The following VPS41 variants were observed in gnomAD, a reference collection of about 807,000 sequenced individuals.
VPS41 encodes VPS41 subunit of HOPS complex, also known as vacuolar protein sorting-associated protein 41 homolog.
VPS41 carries 85 observed loss-of-function variants against 130.9 expected under a neutral mutation model. The ratio of observed to expected loss-of-function variants is 0.65; its 90% CI spans 0.55 to 0.78. The LOEUF is 0.78. Among genes scored for constraint, VPS41 ranks in the 30% least tolerant of loss-of-function variants. VPS41 has a pLI of 0.00. For synonymous variants in VPS41, 335 were observed against 332.9 expected (o/e 1.01, Z -0.07); for missense variants, 874 against 1,018.7 (o/e 0.86, Z 1.93).
intron 13 of VPS41, 138 bp downstream of exon 13, chr7:38,772,384 A>C: frequency 1.8e-6 from 1 of 562,398 alleles, no homozygotes; most frequent in Non-Finnish European, 3.1e-6. Context: ...GGTACTAGAA[A>C]GTTATTAACT....
At chr7:38,873,141 C>T (rs1034219193) in intron 2 of VPS41, among the ~76,000 whole-genome samples, 9 of 152,140 alleles carry the variant, frequency 5.9e-5, no homozygotes, top group Non-Finnish European at 1.3e-4. Flanking sequence ...CACAACACAG[C>T]TCAGTGAAGC....
chr7:38,890,115 C>T lies in VPS41; in HGVS notation c.60+7976G>A, dbSNP rs150871804. ...GGAATCCTAAAACATGTTCAAGTAA[C>T]GCACAGGAAAGAAAGGAAAGAGAAA... On this transcript the variant is annotated intron_variant, in intron 2 of 28. Transcript: ENST00000310301. 7.0e-4 allele frequency among the ~76,000 whole-genome samples: 106 copies of T among 151,990 alleles called. 1 individual carries two copies. The highest frequency in any genetic ancestry group is 6.8e-3 in the Middle Eastern group (2 of 294).
In VPS41 at chr7:38,761,719, T is replaced by A. The variant is rs565098980; in HGVS notation, c.1422+1736A>T. Among the ~76,000 whole-genome samples, 3 of 152,094 alleles carry A rather than the reference T, an allele frequency of 2.0e-5. 1 individual carries two copies. In the Middle Eastern group the frequency reaches 9.5e-3, roughly 481 times the overall value. On this transcript the variant is annotated intron_variant, in intron 17 of 28. Coordinates refer to ENST00000310301, the MANE Select transcript of VPS41 (RefSeq NM_014396.4). ...GATCCTCCCACCTCAGCCTCCTGAA[T>A]AGCTGAGAGTACAGGCATATGTCAC...
intron 1 of VPS41, among the ~76,000 whole-genome samples, chr7:38,907,774 T>A (rs1198985801): frequency 6.6e-6 from 1 of 152,222 alleles, no homozygotes; most frequent in Non-Finnish European, 1.5e-5. Context: ...CCACTATATC[T>A]AAGAACATAT....
rs775995151 is a variant in VPS41, at chr7:38,817,871, C to T, written c.396G>A (p.Val132=). Residue 132 remains valine, a synonymous_variant, in exon 7 of 29, where the codon GTG becomes GTA. Coordinates refer to ENST00000310301, the MANE Select transcript of VPS41 (RefSeq NM_014396.4). The part of the protein sequence containing the change: ...TFDCPIKIIA[V]HPHFVRSSCK... ...AACTGGATCTCACGAAATGTGGGTGCACAGCAATAATCTACAAGAGAAACA... is the reference window on the plus strand; with the variant it reads ...AACTGGATCTCACGAAATGTGGGTGTACAGCAATAATCTACAAGAGAAACA... The T allele has an allele frequency of 8.7e-6, 14 of 1,613,968 alleles. No homozygotes were observed. The highest frequency in any genetic ancestry group is 1.0e-5 in the Non-Finnish European group (12 of 1,179,970).
intron 16 of VPS41, among the ~76,000 whole-genome samples, chr7:38,764,844 G>C (rs767957362): frequency 1.8e-4 from 28 of 151,960 alleles, no homozygotes; most frequent in South Asian, 4.2e-4. Flanking sequence ...GCCATCACAT[G>C]ATATTCAAAA....
chr7:38,811,900 TCA>T (rs944707955), intron 7 of VPS41, among the ~76,000 whole-genome samples: 19 of 152,138 alleles, frequency 1.2e-4, no homozygotes, highest in Non-Finnish European at 2.4e-4. Context: ...TTTTTCACTT[TCA>T]GTCTTCAATA....
intron 1 of VPS41, among the ~76,000 whole-genome samples, chr7:38,901,482 A>G (rs1219254974): frequency 6.6e-6 from 1 of 152,304 alleles, no homozygotes. Flanking sequence ...CAGAGATCAC[A>G]TGGCAAGACA....
chr7:38,795,614 G>A lies in VPS41; in HGVS notation c.571-3C>T, dbSNP rs758496399. The stretch of plus-strand genomic sequence containing the variant: ...ATGATGTCAAAAATCTTCACACCCT[G>A]GAAAATAATACAGCAGTAAGCATCC... On this transcript the variant is annotated splice_region_variant and splice_polypyrimidine_tract_variant and intron_variant, in intron 8 of 28. Transcript: ENST00000310301. 4.3e-6 allele frequency: 7 copies of A among 1,609,310 alleles called. No homozygotes were observed. The Admixed American group carries it at 1.0e-4, about 23-fold the overall frequency.
intron 25 of VPS41, among the ~76,000 whole-genome samples, chr7:38,739,646 C>T (rs892264798): frequency 2.6e-5 from 4 of 152,168 alleles, no homozygotes; most frequent in Admixed American, 6.5e-5. Context: ...CTGCATTCTC[C>T]AACAAGATGC....
At chr7:38,891,563 C>T (rs142137326) in intron 2 of VPS41, among the ~76,000 whole-genome samples, 1,556 of 152,322 alleles carry the variant, frequency 0.01, 6 homozygotes, top group Non-Finnish European at 0.014. Flanking sequence ...CAGATACACA[C>T]ATAATATCTG....
intron 4 of VPS41, among the ~76,000 whole-genome samples, chr7:38,852,846 C>T (rs1289384310): frequency 6.6e-6 from 1 of 152,158 alleles, no homozygotes; most frequent in East Asian, 1.9e-4. Context: ...TGGTCCATGA[C>T]ATCCGATTTA....
chr7:38,810,095 C>T lies in VPS41; in HGVS notation c.450+7722G>A, dbSNP rs114205331. ...TCCAATGGCACTTTTAAGAGATGTG[C>T]TTTCTCTTTTTTTTTTTTCAAGATG... On this transcript the variant is annotated intron_variant, in intron 7 of 28. Coordinates refer to ENST00000310301, the MANE Select transcript of VPS41 (RefSeq NM_014396.4). Among the ~76,000 whole-genome samples the T allele has an allele frequency of 9.1e-3, 1,316 of 143,984 alleles. 24 individuals are homozygous for T. The highest frequency in any genetic ancestry group is 0.03 in the African/African-American group (1,212 of 40,820). The allele number at this position is 143,984 out of a possible 152,430, so 94.5% of individuals were successfully genotyped here. A position where few individuals can be genotyped will look rare whatever the true frequency, so the allele number is the denominator to read the frequency against.
Position 38,892,080 on chromosome 7 carries a change from A to AT in VPS41, c.60+6010dup, listed in dbSNP as rs1350851177. Among the ~76,000 whole-genome samples, 3 of 152,178 alleles carry AT rather than the reference A, an allele frequency of 2.0e-5. No individual in the cohort carries two copies. The East Asian group carries it at 5.8e-4, about 29-fold the overall frequency. On this transcript the variant is annotated intron_variant, in intron 2 of 28. Coordinates refer to ENST00000310301, the MANE Select transcript of VPS41 (RefSeq NM_014396.4). Reference sequence around the variant, plus strand: ...TAGAAAGCAATTCTGAAACTGGTATATTTTCCTACAAGTTGAACAAATCGA... The same window carrying AT: ...TAGAAAGCAATTCTGAAACTGGTATATTTTTCCTACAAGTTGAACAAATCGA...
chr7:38,840,337 G>A (rs985142170), intron 4 of VPS41, among the ~76,000 whole-genome samples: 1 of 152,142 alleles, frequency 6.6e-6, no homozygotes, highest in African/African-American at 2.4e-5. Context: ...TAGCACATCA[G>A]TACTCCTTCC....
rs550230607 is a variant in VPS41 at position 38,790,099 on chromosome 7, T to G, written c.718-232A>C. ...CTGATTCACATAAGTTCAGCTTTCCTGGTGAGACTGAACCTGAAGTCAAGT... is the reference window on the plus strand; with the variant it reads ...CTGATTCACATAAGTTCAGCTTTCCGGGTGAGACTGAACCTGAAGTCAAGT... On this transcript the variant is annotated intron_variant, in intron 9 of 28. Coordinates refer to ENST00000310301, the MANE Select transcript of VPS41 (RefSeq NM_014396.4). Among the ~76,000 whole-genome samples, 90 of 152,324 alleles carry G rather than the reference T, an allele frequency of 5.9e-4. 1 individual carries two copies. Among genetic ancestry groups the G allele is most frequent in the Non-Finnish European group, 9.9e-4 (67 of 68,018 alleles).
chr7:38,726,564 C>T (rs1795548711), intron 28 of VPS41, among the ~76,000 whole-genome samples: 1 of 152,060 alleles, frequency 6.6e-6, no homozygotes. Context: ...GAATATGACA[C>T]TAAAAAAATG....
intron 10 of VPS41, among the ~76,000 whole-genome samples, chr7:38,788,351 C>G (rs1584396468): frequency 6.6e-6 from 1 of 152,124 alleles, no homozygotes; most frequent in Non-Finnish European, 1.5e-5. Context: ...CATTTACCTC[C>G]TAAGCCTCAA....
At chr7:38,799,699 A>G (rs1784689199) in intron 7 of VPS41, among the ~76,000 whole-genome samples, 1 of 152,218 alleles carries the variant, frequency 6.6e-6, no homozygotes, top group Non-Finnish European at 1.5e-5. Context: ...AAATTCAAAA[A>G]ATGCTAAAAA....
Sources: allele counts gnomAD v4.1 joint callset (sites outside exome capture counted in the v4.1 genomes callset), GRCh38; gene constraint gnomAD v4.1.1; transcripts MANE v1.5; gene names NCBI Gene and HGNC (gene_info 2026-07-23, HGNC 2026-07-21).